Variants in EYS observed in about 807,000 individuals in gnomAD.
The protein encoded by EYS is protein eyes shut homolog.
Under a neutral mutation model 282.1 loss-of-function variants are expected in EYS, and 250 were observed. The ratio of observed to expected loss-of-function variants is 0.89; its 90% CI spans 0.80 to 0.98. EYS has a LOEUF of 0.98. Among genes scored for constraint, EYS ranks in the 50% least tolerant of loss-of-function variants. EYS has a pLI of 0.00. For missense variants in EYS, 4,016 were observed against 3,709.0 expected (o/e 1.08, Z -2.15); for synonymous variants, 1,355 against 1,282.9 (o/e 1.06, Z -1.20).
chr6:64,997,531 T>C, intron 14 of EYS, 51 bp downstream of exon 14: 1 of 1,518,296 alleles, frequency 6.6e-7, no homozygotes. Flanking sequence ...ACATAGGTGT[T>C]AAATTATATT....
intron 33 of EYS, among the ~76,000 whole-genome samples, chr6:64,010,807 T>C (rs1365778359): frequency 6.6e-6 from 1 of 152,168 alleles, no homozygotes; most frequent in Non-Finnish European, 1.5e-5. Context: ...CCTACAATGA[T>C]ACTGGAAATA....
intron 11 of EYS, among the ~76,000 whole-genome samples, chr6:65,326,158 C>G (rs1769612676): frequency 6.6e-6 from 1 of 151,750 alleles, no homozygotes. Flanking sequence ...GAGTGTATAC[C>G]TTTATAAATT....
In EYS at chr6:65,490,594, C is replaced by T; in HGVS notation, c.862G>A (p.Gly288Ser). The T allele has an allele frequency of 6.4e-7, 1 of 1,574,560 alleles. No homozygotes were observed. Among genetic ancestry groups the T allele is most frequent in the Non-Finnish European group, 8.7e-7 (1 of 1,144,870 alleles). ...GGTTGTATACATATGCATTTTTTAC[C>T]TGAAAATTGCTCATCACATTCACAA... ...FICECDEQFS[G>S]PFCEVSAKPC... The change falls in exon 5 of 43, where the codon GGT becomes AGT. Residue 288 changes from glycine (G) to serine (S), a missense_variant and splice_region_variant. By Grantham distance (56) the Gly-to-Ser change is moderately conservative. Transcript: ENST00000503581.
rs199624507 is a variant in EYS, at chr6:65,161,305, A to T, written c.2024-103578T>A. The stretch of plus-strand genomic sequence containing the variant: ...TGCTATTATTCATCTTTTAAAATTC[A>T]GCTCAAATGTCATCCATTTCAGGAA... On this transcript the variant is annotated intron_variant, in intron 12 of 42. Coordinates refer to ENST00000503581, the MANE Select transcript of EYS (RefSeq NM_001142800.2). Among the ~76,000 whole-genome samples the T allele has an allele frequency of 3.3e-5, 5 of 151,016 alleles. No individual in the cohort carries two copies. The East Asian group carries it at 9.8e-4, about 30-fold the overall frequency.
intron 30 of EYS, among the ~76,000 whole-genome samples, chr6:64,294,465 C>T (rs1208278010): frequency 2.0e-5 from 3 of 152,112 alleles, no homozygotes; most frequent in African/African-American, 7.2e-5. Context: ...ATAACAGAAC[C>T]TCAGTGATAT....
chr6:65,568,956 G>A (rs1764380307), intron 2 of EYS, among the ~76,000 whole-genome samples: 2 of 152,150 alleles, frequency 1.3e-5, no homozygotes, highest in South Asian at 4.1e-4. Flanking sequence ...CCTGGGCATA[G>A]GCCAAACTAA....
At chr6:65,341,987 C>T (rs1175605511) in intron 10 of EYS, among the ~76,000 whole-genome samples, 6 of 151,054 alleles carry the variant, frequency 4.0e-5, no homozygotes, top group South Asian at 2.1e-4. Flanking sequence ...TTTCTCTTCC[C>T]AAATTTTAAC....
intron 30 of EYS, among the ~76,000 whole-genome samples, chr6:64,303,835 C>G (rs571849194): frequency 5.1e-4 from 42 of 82,244 alleles, no homozygotes; most frequent in African/African-American, 2.4e-3. Flanking sequence ...AGCGAAACTC[C>G]GTCTCAAAAA....
chr6:64,632,280 T>C (rs1229867538), intron 22 of EYS, among the ~76,000 whole-genome samples: 1 of 143,914 alleles, frequency 6.9e-6, no homozygotes, highest in Admixed American at 7.3e-5. Context: ...TGACCACAAC[T>C]ACATATAACT....
At chr6:65,616,809 C>T (rs1582523379) in intron 2 of EYS, among the ~76,000 whole-genome samples, 1 of 151,772 alleles carries the variant, frequency 6.6e-6, no homozygotes, top group East Asian at 1.9e-4. Context: ...AAAAGTAAGC[C>T]TTTATTTTCT....
chr6:64,848,136 ATGC>A (rs1018051407), intron 19 of EYS, among the ~76,000 whole-genome samples: 2 of 152,018 alleles, frequency 1.3e-5, no homozygotes, highest in African/African-American at 4.8e-5. Flanking sequence ...TCCTGAACAC[ATGC>A]TGATCTCTTT....
chr6:64,535,038 C>T (rs1383895485), intron 26 of EYS, among the ~76,000 whole-genome samples: 1 of 152,124 alleles, frequency 6.6e-6, no homozygotes, highest in Non-Finnish European at 1.5e-5. Context: ...TGTTCATTGT[C>T]TTAGTTTGAG....
intron 2 of EYS, among the ~76,000 whole-genome samples, chr6:65,602,610 T>C (rs1399155893): frequency 6.6e-6 from 1 of 151,972 alleles, no homozygotes; most frequent in Non-Finnish European, 1.5e-5. Context: ...TGCTGGCCTT[T>C]GTGGTACTTG....
chr6:65,371,198 T>C (rs1765128907), intron 8 of EYS, among the ~76,000 whole-genome samples: 1 of 151,812 alleles, frequency 6.6e-6, no homozygotes, highest in Non-Finnish European at 1.5e-5. Flanking sequence ...CCTTTCAAAA[T>C]ACAGTATAAC....
chr6:65,375,127 G>A (rs1371204117), intron 8 of EYS, among the ~76,000 whole-genome samples: 1 of 152,128 alleles, frequency 6.6e-6, no homozygotes, highest in Admixed American at 6.5e-5. Flanking sequence ...CACCTCGTAT[G>A]GGAGAGCTCT....
intron 33 of EYS, among the ~76,000 whole-genome samples, chr6:64,008,165 G>A (rs541424139): frequency 1.4e-4 from 21 of 152,050 alleles, no homozygotes; most frequent in Non-Finnish European, 2.8e-4. Flanking sequence ...TCCTGTGATA[G>A]GTGCATATAT....
At chr6:64,727,372 GTTTGT>G (rs540639750) in intron 22 of EYS, among the ~76,000 whole-genome samples, 96 of 152,114 alleles carry the variant, frequency 6.3e-4, no homozygotes, top group African/African-American at 1.8e-3. Flanking sequence ...TAGACTTTTA[GTTTGT>G]TTTATTTCTT....
chr6:64,023,643 G>A (rs566828234), intron 33 of EYS, among the ~76,000 whole-genome samples: 68 of 152,344 alleles, frequency 4.5e-4, no homozygotes, highest in East Asian at 1.4e-3. Flanking sequence ...ACTAGCTCTC[G>A]GCACCTCCTT....
At chr6:65,125,160 C>T (rs890943642) in intron 12 of EYS, among the ~76,000 whole-genome samples, 1 of 152,150 alleles carries the variant, frequency 6.6e-6, no homozygotes, top group African/African-American at 2.4e-5. Flanking sequence ...GAAAATATTC[C>T]AAAAGTGTCA....
Sources: gnomAD v4.1 joint callset for allele counts (sites outside exome capture counted in the v4.1 genomes callset) on GRCh38, gnomAD v4.1.1 for gene constraint, MANE v1.5 for transcripts, NCBI Gene and HGNC (gene_info 2026-07-23, HGNC 2026-07-21) for gene names.